The following FRMD6 variants were observed in gnomAD, a reference collection of about 807,000 sequenced individuals.
FRMD6 encodes the protein FERM domain-containing protein 6.
Under a neutral mutation model 73.2 loss-of-function variants are expected in FRMD6, and 37 were observed. The observed-to-expected ratio is 0.51, with a 90% CI of 0.39 to 0.66. FRMD6 has a LOEUF of 0.66. Ranked by LOEUF, FRMD6 falls within the 30% of genes least tolerant of loss-of-function variation. FRMD6 has a pLI of 0.00. For missense variants in FRMD6, 714 were observed against 780.5 expected, an observed-to-expected ratio of 0.91 and a Z score of 1.02; for synonymous variants, 273 against 282.2, an observed-to-expected ratio of 0.97 and a Z score of 0.33.
chr14:51,658,187 T>TC (rs1892973957), intron 1 of FRMD6, among the ~76,000 whole-genome samples: 1 of 152,178 alleles, frequency 6.6e-6, no homozygotes, highest in South Asian at 2.1e-4. Context: ...GCAAAGGTAT[T>TC]CTATGGCTCT....
In FRMD6 at chr14:51,730,369, T is replaced by C. The variant is rs918124339; in HGVS notation, c.*2340T>C. ...TGATCCACTGTTTGCAGCAGAATTA[T>C]ATATATGTATAGGAAAAATCCACTT... On this transcript the variant is annotated 3_prime_UTR_variant, in exon 14 of 14. Transcript: ENST00000344768. 6 of 152,248 alleles carry C rather than the reference T, an allele frequency of 3.9e-5. No individual in the cohort carries two copies. The highest frequency in any genetic ancestry group is 8.8e-5 in the Non-Finnish European group (6 of 68,046). 9.4% of individuals were successfully genotyped at this position (152,248 alleles called of 1,614,324 possible).
intron 1 of FRMD6, among the ~76,000 whole-genome samples, chr14:51,521,905 A>G (rs1430617131): frequency 3.3e-5 from 5 of 152,178 alleles, no homozygotes; most frequent in Non-Finnish European, 5.9e-5. Context: ...GCTTTGAACA[A>G]ATCATATTTG....
At chr14:51,674,622 A>C (rs1437536393) in intron 1 of FRMD6, among the ~76,000 whole-genome samples, 1 of 152,092 alleles carries the variant, frequency 6.6e-6, no homozygotes, top group African/African-American at 2.4e-5. Flanking sequence ...TTTTAACTTC[A>C]ACCTTCAAGG....
Position 51,728,319 on chromosome 14 carries a change from G to A in FRMD6, c.*290G>A, listed in dbSNP as rs1898097367. ...TGCAAAGCCTTCAGAATATTGGAGTGTGGTGTGTTTGCTCATCTGATGCTT... is the reference window on the plus strand; with the variant it reads ...TGCAAAGCCTTCAGAATATTGGAGTATGGTGTGTTTGCTCATCTGATGCTT... On this transcript the variant is annotated 3_prime_UTR_variant, in exon 14 of 14. Transcript: ENST00000344768. 9.4e-6 allele frequency: 3 copies of A among 317,618 alleles called. No homozygotes were observed. In the South Asian group the frequency reaches 2.4e-4, roughly 25 times the overall value. The allele number at this position is 317,618 out of a possible 1,614,324, so 19.7% of individuals were successfully genotyped here.
Position 51,638,783 on chromosome 14 carries a change from G to A in FRMD6, c.-146-50908G>A, listed in dbSNP as rs577692067. Among the ~76,000 whole-genome samples the A allele has an allele frequency of 3.1e-4, 47 of 152,306 alleles. No individual in the cohort carries two copies. In the South Asian group the frequency reaches 9.5e-3, roughly 31 times the overall value. On this transcript the variant is annotated intron_variant, in intron 2 of 14. Coordinates refer to the FRMD6 transcript ENST00000356218. ...AGACACAGTAGAGCTTACACTGTTG[G>A]AATGGAAGAGGTGTCATCCAACACT...
chr14:51,430,107 T>G, the FRMD6 span, among the ~76,000 whole-genome samples: 1,393 of 152,320 alleles, frequency 9.1e-3, 21 homozygotes, highest in African/African-American at 0.032. Flanking sequence ...AGGCTTTGTG[T>G]TCCATGTGAT....
the FRMD6 span, among the ~76,000 whole-genome samples, chr14:51,483,856 A>G: frequency 6.6e-6 from 1 of 152,244 alleles, no homozygotes; most frequent in Non-Finnish European, 1.5e-5. Flanking sequence ...TGTTTGTTTC[A>G]TGTAACTCTT....
chr14:51,592,075 T>G (rs1362986842), intron 2 of FRMD6, among the ~76,000 whole-genome samples: 1 of 152,184 alleles, frequency 6.6e-6, no homozygotes, highest in Non-Finnish European at 1.5e-5. Context: ...CACCAAAAAG[T>G]TAATATAGGA....
chr14:51,720,646 A>T, intron 11 of FRMD6: 1 of 483,252 alleles, frequency 2.1e-6, no homozygotes, highest in African/African-American at 1.9e-5. Context: ...TATGAAGTAG[A>T]TTGGAAATTA....
the FRMD6 span, among the ~76,000 whole-genome samples, chr14:51,404,183 A>T: frequency 2.6e-5 from 4 of 152,152 alleles, no homozygotes; most frequent in East Asian, 3.9e-4. Context: ...AATAAAATTG[A>T]TCTTTTTACA....
intron 2 of FRMD6, among the ~76,000 whole-genome samples, chr14:51,631,406 T>A (rs1891331387): frequency 6.6e-6 from 1 of 152,208 alleles, no homozygotes; most frequent in Admixed American, 6.5e-5. Flanking sequence ...CTCCATTTTT[T>A]TTGGTAAATG....
intron 1 of FRMD6, among the ~76,000 whole-genome samples, chr14:51,664,218 G>A (rs192064334): frequency 4.6e-5 from 7 of 152,304 alleles, no homozygotes; most frequent in Non-Finnish European, 8.8e-5. Flanking sequence ...AATCCCAAGA[G>A]CCAGAGCAAA....
intron 5 of FRMD6, among the ~76,000 whole-genome samples, chr14:51,703,556 C>T (rs1896451667): frequency 6.6e-6 from 1 of 151,922 alleles, no homozygotes; most frequent in African/African-American, 2.4e-5. Context: ...GTAAGTGTGG[C>T]ATGACCTGGA....
intron 1 of FRMD6, among the ~76,000 whole-genome samples, chr14:51,529,629 G>A (rs1193118727): frequency 6.6e-6 from 1 of 152,164 alleles, no homozygotes; most frequent in East Asian, 1.9e-4. Flanking sequence ...ACATAAGCAA[G>A]TAGTAAATAT....
At chr14:51,520,975 C>A (rs923718554) in intron 1 of FRMD6, among the ~76,000 whole-genome samples, 44 of 152,216 alleles carry the variant, frequency 2.9e-4, no homozygotes, top group Middle Eastern at 3.4e-3. Flanking sequence ...ATGGATAAAT[C>A]TCAAAGATAT....
At chr14:51,602,774 T>G (rs921325030) in intron 2 of FRMD6, among the ~76,000 whole-genome samples, 2 of 152,224 alleles carry the variant, frequency 1.3e-5, no homozygotes, top group Admixed American at 6.5e-5. Context: ...TTAACACTTA[T>G]AAAATATTTC....
chr14:51,468,312 G>T, the FRMD6 span, among the ~76,000 whole-genome samples: 1 of 146,722 alleles, frequency 6.8e-6, no homozygotes, highest in Admixed American at 6.7e-5. Context: ...AGAGGGGGAG[G>T]GGGAGGGAGA....
At chr14:51,580,118 T>G (rs1162918545) in intron 2 of FRMD6, among the ~76,000 whole-genome samples, 1 of 147,006 alleles carries the variant, frequency 6.8e-6, no homozygotes, top group Non-Finnish European at 1.5e-5. Flanking sequence ...AAAGGGAAGT[T>G]GTGTGCACCG....
At chr14:51,706,469 GTCCCTGCCAGCCATTCCAGCTTCC>G (rs1896628280) in intron 6 of FRMD6, among the ~76,000 whole-genome samples, 1 of 152,032 alleles carries the variant, frequency 6.6e-6, no homozygotes, top group Non-Finnish European at 1.5e-5. Flanking sequence ...CCAGATTATA[GTCCCTGCCAGCCATTCCAGCTTCC>G]TTTCTGGTTG....
Sources: allele counts gnomAD v4.1 joint callset (sites outside exome capture counted in the v4.1 genomes callset), GRCh38; gene constraint gnomAD v4.1.1; transcripts MANE v1.5; gene names NCBI Gene and HGNC (gene_info 2026-07-23, HGNC 2026-07-21).